The following NCBP2L variants were observed in gnomAD, a reference collection of about 807,000 sequenced individuals.
NCBP2L encodes the protein nuclear cap binding protein subunit 2 like.
For missense variants in NCBP2L, 95 were observed against 53.1 expected (o/e 1.79, Z -2.45); for synonymous variants, 39 against 19.2 (o/e 2.04, Z -2.70).
intron 1 of NCBP2L, among the ~76,000 whole-genome samples, chrX:107,790,134 A>G (rs777278387): frequency 1.8e-5 from 2 of 111,187 alleles, no homozygotes; most frequent in South Asian, 7.6e-4. Flanking sequence ...GTTGACCTCT[A>G]TCTACACAGT....
chrX:107,782,181 AAATATATATATATAAAT>A (rs1462424425), intron 1 of NCBP2L, among the ~76,000 whole-genome samples: 1 of 30,391 alleles, frequency 3.3e-5, no homozygotes, highest in African/African-American at 1.9e-4. Context: ...ATATATATAT[AAATATATATATATAAAT>A]ATATATATAT....
chrX:107,794,038 G>T, intron 1 of NCBP2L, 111 bp from the exon 2 acceptor site: 1 of 374,540 alleles, frequency 2.7e-6, no homozygotes, highest in South Asian at 5.9e-5. Flanking sequence ...TGATCCTTAT[G>T]GTCAGGAGCT....
intron 1 of NCBP2L, among the ~76,000 whole-genome samples, 179 bp from the exon 2 acceptor site, chrX:107,793,970 T>G (rs73249867): frequency 0.018 from 1,971 of 112,265 alleles, 32 homozygotes; most frequent in Middle Eastern, 0.055. Context: ...CTTGACAAAT[T>G]GGATTTTATG....
At position 107,794,524 on chromosome X, in the gene NCBP2L, A is replaced by G. The variant is rs767536184; in HGVS notation, c.304A>G (p.Thr102Ala). The stretch of plus-strand genomic sequence containing the variant: ...AAATGCCATGCGGTTTCTAACTGGG[A>G]CCTGCCTAGATGAATGGATTATCTG... ...AENAMRFLTGTCLDEWIICTD... is the reference protein window; with the variant it reads ...AENAMRFLTGACLDEWIICTD... The change falls in exon 2 of 2, where the codon ACC (threonine) becomes GCC (alanine). Residue 102 changes from threonine (T) to alanine (A), a missense_variant. Thr to Ala is a moderately conservative substitution (Grantham distance 58). Transcript: ENST00000509000. The G allele has an allele frequency of 3.5e-6, 2 of 570,002 alleles. No homozygotes were observed. The highest frequency in any genetic ancestry group is 6.5e-6 in the Non-Finnish European group (2 of 309,454). 47.0% of individuals were successfully genotyped at this position (570,002 alleles called of 1,213,427 possible). A position where few individuals can be genotyped will look rare whatever the true frequency, so the allele number is the denominator to read the frequency against.
intron 1 of NCBP2L, among the ~76,000 whole-genome samples, chrX:107,786,821 G>GCC (rs1930396942): frequency 8.9e-6 from 1 of 111,746 alleles, no homozygotes; most frequent in South Asian, 3.8e-4. Context: ...GTTTCCTACT[G>GCC]CCCAAACCTG....
chrX:107,794,292 C>T lies in NCBP2L; in HGVS notation c.72C>T (p.Phe24=). Residue 24 remains phenylalanine, a synonymous_variant, in exon 2 of 2, where the codon TTC becomes TTT. Coordinates refer to ENST00000509000, the MANE Select transcript of NCBP2L (RefSeq NM_001348372.2). ...LELSCYRDHQ[F]SGRKFQQEKL... The stretch of plus-strand genomic sequence containing the variant: ...TGAGCTGCTACCGGGACCATCAGTT[C>T]AGTGGCCGTAAATTTCAGCAGGAAA... The T allele has an allele frequency of 1.8e-6, 1 of 569,646 alleles. No homozygotes were observed. Among genetic ancestry groups the T allele is most frequent in the Non-Finnish European group, 3.2e-6 (1 of 309,315 alleles). 46.9% of individuals were successfully genotyped at this position (569,646 alleles called of 1,213,427 possible). A position where few individuals can be genotyped will look rare whatever the true frequency, so the allele number is the denominator to read the frequency against.
In NCBP2L at chrX:107,794,278, CG is replaced by C. The variant is rs766454402; in HGVS notation, c.61del (p.Asp21ThrfsTer15). 1 of 567,631 alleles carries C rather than the reference CG, an allele frequency of 1.8e-6. No homozygotes were observed. Among genetic ancestry groups the C allele is most frequent in the Non-Finnish European group, 3.2e-6 (1 of 308,595 alleles). The allele number at this position is 567,631 out of a possible 1,213,427, so 46.8% of individuals were successfully genotyped here. The stretch of plus-strand genomic sequence containing the variant: ...CCCTGCTTTGGAGCTGAGCTGCTAC[CG>C]GGACCATCAGTTCAGTGGCCGTAAA... Reference protein sequence around the residue: ...KDPALELSCYRDHQFSGRKFQ... With the variant: ...KDPALELSCYXDHQFSGRKFQ... On this transcript the variant is annotated frameshift_variant, in exon 2 of 2. Coordinates refer to ENST00000509000, the MANE Select transcript of NCBP2L (RefSeq NM_001348372.2). LOFTEE classifies it low-confidence loss of function (END_TRUNC).
At chrX:107,781,977 G>A (rs1930299068) in intron 1 of NCBP2L, among the ~76,000 whole-genome samples, 1 of 93,090 alleles carries the variant, frequency 1.1e-5, no homozygotes, top group Non-Finnish European at 2.1e-5. Flanking sequence ...TGCCCACCTC[G>A]GCTTCCCAAA....
intron 1 of NCBP2L, among the ~76,000 whole-genome samples, chrX:107,790,875 A>G (rs778594243): frequency 8.9e-6 from 1 of 112,026 alleles, no homozygotes; most frequent in East Asian, 2.8e-4. Context: ...GGTCCTTTAG[A>G]AAGTTGTTTT....
chrX:107,790,492 C>T (rs932499075), intron 1 of NCBP2L, among the ~76,000 whole-genome samples: 5 of 111,086 alleles, frequency 4.5e-5, no homozygotes, highest in African/African-American at 1.6e-4. Flanking sequence ...AGGCCCCTCA[C>T]AATCTGGCCT....
chrX:107,794,647 G>A lies in NCBP2L; in HGVS notation c.427G>A (p.Gly143Ser), dbSNP rs1473797273. The change falls in exon 2 of 2, where the codon GGT (glycine) becomes AGT (serine). Residue 143 changes from glycine to serine, a missense_variant. Coordinates refer to ENST00000509000, the MANE Select transcript of NCBP2L (RefSeq NM_001348372.2). ...RDEFREDFHS[G>S]RGGFGRQTQI ...TGAGTTTCGTGAAGATTTTCATTCT[G>A]GTAGAGGAGGCTTTGGAAGACAGAC... The A allele has an allele frequency of 5.3e-6, 3 of 567,191 alleles. No homozygotes were observed. The highest frequency in any genetic ancestry group is 4.5e-5 in the Admixed American group (2 of 44,792). 46.7% of individuals were successfully genotyped at this position (567,191 alleles called of 1,213,427 possible).
At chrX:107,783,701 C>G (rs112642998) in intron 1 of NCBP2L, among the ~76,000 whole-genome samples, 5,262 of 110,476 alleles carry the variant, frequency 0.048, 326 homozygotes, top group African/African-American at 0.16. Context: ...AGGTGTACAC[C>G]ATGATGTTTT....
Position 107,794,286 on chromosome X carries a change from T to C in NCBP2L, c.66T>C (p.His22=). The C allele has an allele frequency of 1.8e-6, 1 of 569,299 alleles. No homozygotes were observed. The highest frequency in any genetic ancestry group is 3.2e-6 in the Non-Finnish European group (1 of 309,177). The allele number at this position is 569,299 out of a possible 1,213,427, so 46.9% of individuals were successfully genotyped here. ...PALELSCYRD[H]QFSGRKFQQE... is the part of the protein sequence containing the mutation. ...TGGAGCTGAGCTGCTACCGGGACCATCAGTTCAGTGGCCGTAAATTTCAGC... is the reference window on the plus strand; with the variant it reads ...TGGAGCTGAGCTGCTACCGGGACCACCAGTTCAGTGGCCGTAAATTTCAGC... The change falls in exon 2 of 2, where the codon CAT becomes CAC. Residue 22 remains histidine, a synonymous_variant. Transcript: ENST00000509000.
At chrX:107,794,032 C>G (rs1380525057) in intron 1 of NCBP2L, 117 bp from the exon 2 acceptor site, 2 of 365,574 alleles carry the variant, frequency 5.5e-6, no homozygotes, top group Non-Finnish European at 9.4e-6. Flanking sequence ...TTGACATGAT[C>G]CTTATGGTCA....
chrX:107,783,999 C>A (rs989401970), intron 1 of NCBP2L, among the ~76,000 whole-genome samples: 5 of 109,835 alleles, frequency 4.6e-5, no homozygotes, highest in Non-Finnish European at 7.6e-5. Flanking sequence ...AGTGGGCATA[C>A]CAAACACAGA....
At chrX:107,782,346 T>C (rs7890181) in intron 1 of NCBP2L, among the ~76,000 whole-genome samples, 1 of 40,043 alleles carries the variant, frequency 2.5e-5, no homozygotes, top group Non-Finnish European at 3.4e-5. Context: ...TAAATATATA[T>C]ATATAAATAT....
chrX:107,793,702 G>C (rs189082621), intron 1 of NCBP2L, among the ~76,000 whole-genome samples: 1 of 111,802 alleles, frequency 8.9e-6, no homozygotes, highest in Admixed American at 9.5e-5. Context: ...CCATGTTATA[G>C]ACTTGAATTG....
At chrX:107,783,379 T>TA (rs1930353735) in intron 1 of NCBP2L, among the ~76,000 whole-genome samples, 3 of 86,266 alleles carry the variant, frequency 3.5e-5, no homozygotes, top group Non-Finnish European at 6.6e-5. Context: ...TTTTTTTTTT[T>TA]ATTTTTTATT....
chrX:107,781,672 A>ATCTCTCTCTCTC (rs1203106428), intron 1 of NCBP2L, among the ~76,000 whole-genome samples: 42 of 62,643 alleles, frequency 6.7e-4, no homozygotes, highest in African/African-American at 3.7e-3. Flanking sequence ...CTATCTATCT[A>ATCTCTCTCTCTC]TCTATCTCTC....
Sources: allele counts gnomAD v4.1 joint callset (sites outside exome capture counted in the v4.1 genomes callset), GRCh38; gene constraint gnomAD v4.1.1; transcripts MANE v1.5; gene names NCBI Gene and HGNC (gene_info 2026-07-23, HGNC 2026-07-21).